Variants in RNF34 observed in about 807,000 individuals in gnomAD.
The protein encoded by RNF34 is ring finger protein 34.
In RNF34, 12 loss-of-function variants were observed where a neutral mutation model predicts 37.9. The ratio of observed to expected loss-of-function variants is 0.32; its 90% confidence interval spans 0.20 to 0.51. The LOEUF (loss-of-function observed/expected upper bound fraction) is 0.51. Among genes scored for constraint, RNF34 ranks in the 20% least tolerant of loss-of-function variants. The pLI is 0.97. For synonymous variants in RNF34, 155 were observed against 177.2 expected, an observed-to-expected ratio of 0.87 and a Z score of 1.00; for missense variants, 362 against 472.7, an observed-to-expected ratio of 0.77 and a Z score of 2.17.
intron 1 of RNF34, among the ~76,000 whole-genome samples, chr12:121,404,084 A>G (rs1385005591): frequency 1.3e-5 from 2 of 150,094 alleles, no homozygotes; most frequent in African/African-American, 4.9e-5. Context: ...GCACGATCTC[A>G]GCTCACTGCA....
At chr12:121,400,640 G>C (rs191831301) in intron 1 of RNF34, among the ~76,000 whole-genome samples, 11 of 152,346 alleles carry the variant, frequency 7.2e-5, no homozygotes, top group Admixed American at 7.2e-4. Flanking sequence ...GGACCGAGGA[G>C]AACAGGAGGG....
rs1489545708 is a variant in RNF34, at chr12:121,406,007, A to T, written c.6+5789A>T. On this transcript the variant is annotated intron_variant, in intron 1 of 5. Transcript: ENST00000361234. Reference sequence around the variant, plus strand: ...ACGGGGTTTCACCATGTTAGCCAGGATGGTCTCGATCTCCTGACCTTGTGA... The same window carrying T: ...ACGGGGTTTCACCATGTTAGCCAGGTTGGTCTCGATCTCCTGACCTTGTGA... Among the ~76,000 whole-genome samples, 5 of 149,250 alleles carry T rather than the reference A, an allele frequency of 3.4e-5. 1 individual carries two copies. The South Asian group carries it at 8.6e-4, about 26-fold the overall frequency.
chr12:121,420,477 G>A, intron 4 of RNF34, 100 bp from the exon 5 acceptor site: 1 of 1,567,682 alleles, frequency 6.4e-7, no homozygotes, highest in Non-Finnish European at 8.7e-7. Flanking sequence ...TTCTAGGACT[G>A]CTGAGATGGC....
chr12:121,418,519 T>C (rs935284733), intron 3 of RNF34: 1 of 152,306 alleles, frequency 6.6e-6, no homozygotes, highest in Non-Finnish European at 1.5e-5. Context: ...TTTGAACAAA[T>C]TTTTTCACGC....
At chr12:121,403,190 G>A (rs1008076360) in intron 1 of RNF34, among the ~76,000 whole-genome samples, 2 of 152,066 alleles carry the variant, frequency 1.3e-5, no homozygotes, top group African/African-American at 4.8e-5. Flanking sequence ...AGGTCAGGAG[G>A]TTGAGACCAT....
chr12:121,419,474 G>A (rs902065596), intron 3 of RNF34, among the ~76,000 whole-genome samples: 6 of 152,208 alleles, frequency 3.9e-5, no homozygotes, highest in Non-Finnish European at 8.8e-5. Context: ...GCATATTTAT[G>A]CTGCAAACAT....
At chr12:121,418,601 G>A (rs904916926) in intron 3 of RNF34, 1 of 152,328 alleles carries the variant, frequency 6.6e-6, no homozygotes, top group African/African-American at 2.4e-5. Flanking sequence ...TGAGCCTGCA[G>A]TCTGATACTT....
intron 4 of RNF34, 100 bp downstream of exon 4, chr12:121,420,434 C>G: frequency 6.4e-7 from 1 of 1,552,200 alleles, no homozygotes; most frequent in South Asian, 1.2e-5. Flanking sequence ...GATGTTTCTT[C>G]TGGTTTGAAT....
chr12:121,400,338 C>T, intron 1 of RNF34, 120 bp downstream of exon 1: 5 of 1,232,262 alleles, frequency 4.1e-6, no homozygotes, highest in Non-Finnish European at 5.6e-6. Flanking sequence ...GAGAGCTGCG[C>T]TGAGGGGGGT....
chr12:121,413,055 T>C (rs1871242091), intron 1 of RNF34, among the ~76,000 whole-genome samples: 1 of 149,684 alleles, frequency 6.7e-6, no homozygotes, highest in Admixed American at 6.7e-5. Flanking sequence ...AGGCAGAGTC[T>C]CACTCTGTCA....
intron 1 of RNF34, among the ~76,000 whole-genome samples, chr12:121,415,828 CTT>C (rs1871511050): frequency 7.5e-6 from 1 of 133,624 alleles, no homozygotes; most frequent in Non-Finnish European, 1.6e-5. Flanking sequence ...ACAGGACAGA[CTT>C]TTGTCCAGTC....
chr12:121,412,531 C>T (rs575071234), intron 1 of RNF34, among the ~76,000 whole-genome samples: 9 of 151,918 alleles, frequency 5.9e-5, no homozygotes, highest in Admixed American at 2.0e-4. Flanking sequence ...GGGTGAGCCA[C>T]CACGCCTGGC....
At chr12:121,421,771 G>A (rs910042399) in intron 5 of RNF34, among the ~76,000 whole-genome samples, 2 of 152,120 alleles carry the variant, frequency 1.3e-5, no homozygotes, top group South Asian at 2.1e-4. Context: ...TGAATTAGGC[G>A]TGGGCCACCA....
At chr12:121,405,721 T>A (rs1398340832) in intron 1 of RNF34, among the ~76,000 whole-genome samples, 1 of 152,046 alleles carries the variant, frequency 6.6e-6, no homozygotes, top group African/African-American at 2.4e-5. Context: ...TGACCTCAGA[T>A]GATCCTCCTG....
intron 1 of RNF34, among the ~76,000 whole-genome samples, chr12:121,408,601 A>C (rs945547951): frequency 4.6e-5 from 7 of 152,164 alleles, no homozygotes; most frequent in African/African-American, 1.7e-4. Context: ...ATGCAGAATA[A>C]ATTTCTGAAA....
Position 121,404,387 on chromosome 12 carries a change from C to CTTTTTTTTTTTTTTTTTTTTTTTTTT in RNF34, c.6+4194_6+4195insTTTTTTTTTTTTTTTTTTTTTTTTTT, listed in dbSNP as rs782225104. On this transcript the variant is annotated intron_variant, in intron 1 of 5. Transcript: ENST00000361234. ...CTCTTGTGTCTGGCTGTCATTTAAT[C>CTTTTTTTTTTTTTTTTTTTTTTTTTT]TTTTTTTTTTTTTTTTTTTTTTTTT... Among the ~76,000 whole-genome samples, 2 of 65,824 alleles carry CTTTTTTTTTTTTTTTTTTTTTTTTTT rather than the reference C, an allele frequency of 3.0e-5. 1 individual carries two copies. The allele number at this position is 65,824 out of a possible 152,430, so 43.2% of individuals were successfully genotyped here.
chr12:121,411,210 G>A (rs1566228272), intron 1 of RNF34, among the ~76,000 whole-genome samples: 1 of 152,156 alleles, frequency 6.6e-6, no homozygotes, highest in Non-Finnish European at 1.5e-5. Context: ...TTACAGGTGT[G>A]AGCCACCATT....
chr12:121,401,373 AAGGC>A (rs1555279994), intron 1 of RNF34, among the ~76,000 whole-genome samples: 1 of 150,482 alleles, frequency 6.6e-6, no homozygotes, highest in Non-Finnish European at 1.5e-5. Flanking sequence ...AAAAAAAAAA[AAGGC>A]AGGGACAAAA....
intron 1 of RNF34, among the ~76,000 whole-genome samples, chr12:121,405,939 G>A (rs1870489311): frequency 6.6e-6 from 1 of 151,436 alleles, no homozygotes; most frequent in Non-Finnish European, 1.5e-5. Flanking sequence ...GACTACAAGT[G>A]CCTGCTACCA....
Sources: allele counts gnomAD v4.1 joint callset (sites outside exome capture counted in the v4.1 genomes callset), GRCh38; gene constraint gnomAD v4.1.1; transcripts MANE v1.5; gene names NCBI Gene and HGNC (gene_info 2026-07-23, HGNC 2026-07-21).